The following RSRC1 variants were observed in gnomAD, a reference collection of about 807,000 sequenced individuals.
RSRC1 encodes the protein arginine and serine rich coiled-coil 1.
RSRC1 carries 39 observed loss-of-function variants against 49.1 expected under a neutral mutation model. The ratio of observed to expected loss-of-function variants is 0.79; its 90% CI spans 0.61 to 1.04. RSRC1 has a LOEUF of 1.04. Among genes scored for constraint, RSRC1 ranks in the 50% least tolerant of loss-of-function variants. The pLI is 0.00. For missense variants in RSRC1, 388 were observed against 402.4 expected, an observed-to-expected ratio of 0.96 and a Z score of 0.31; for synonymous variants, 143 against 130.8, an observed-to-expected ratio of 1.09 and a Z score of -0.63.
At chr3:158,294,707 A>G (rs1213431112) in intron 4 of RSRC1, among the ~76,000 whole-genome samples, 1 of 152,134 alleles carries the variant, frequency 6.6e-6, no homozygotes, top group Non-Finnish European at 1.5e-5. Context: ...CCTCAAAAAC[A>G]GTAAAAAAAA....
At chr3:158,412,439 G>A (rs1036458966) in intron 6 of RSRC1, among the ~76,000 whole-genome samples, 2 of 152,044 alleles carry the variant, frequency 1.3e-5, no homozygotes, top group Non-Finnish European at 2.9e-5. Flanking sequence ...CTCACTTCAA[G>A]TGTCACCTTC....
chr3:158,306,568 A>G (rs920286303), intron 5 of RSRC1, among the ~76,000 whole-genome samples: 1 of 151,944 alleles, frequency 6.6e-6, no homozygotes, highest in African/African-American at 2.4e-5. Flanking sequence ...CTTATGATAA[A>G]TTTATTATAA....
chr3:158,200,073 T>C (rs1720943343), intron 3 of RSRC1, among the ~76,000 whole-genome samples: 1 of 152,210 alleles, frequency 6.6e-6, no homozygotes, highest in East Asian at 1.9e-4. Flanking sequence ...AGTCTTGTTC[T>C]GTCACCCAGG....
intron 5 of RSRC1, among the ~76,000 whole-genome samples, chr3:158,318,586 G>C (rs1403520456): frequency 6.6e-6 from 1 of 152,048 alleles, no homozygotes; most frequent in Non-Finnish European, 1.5e-5. Flanking sequence ...TTAGTAGTTG[G>C]GGGGAAAAAG....
chr3:158,321,770 A>G (rs531008290), intron 5 of RSRC1, among the ~76,000 whole-genome samples: 19 of 152,064 alleles, frequency 1.2e-4, no homozygotes, highest in Non-Finnish European at 2.6e-4. Flanking sequence ...GAATTATACT[A>G]TGCATCTTTA....
intron 3 of RSRC1, among the ~76,000 whole-genome samples, chr3:158,141,971 G>A (rs899031560): frequency 1.3e-5 from 2 of 152,100 alleles, no homozygotes; most frequent in Non-Finnish European, 2.9e-5. Flanking sequence ...GGTGGTGCAC[G>A]CCTGTAGTCC....
intron 4 of RSRC1, among the ~76,000 whole-genome samples, chr3:158,205,212 G>C (rs373426180): frequency 6.6e-6 from 1 of 152,114 alleles, no homozygotes; most frequent in East Asian, 1.9e-4. Flanking sequence ...GTTTTAGTGG[G>C]CCGTAGTAGA....
intron 4 of RSRC1, among the ~76,000 whole-genome samples, chr3:158,269,044 G>A (rs1295837643): frequency 1.3e-5 from 2 of 152,152 alleles, no homozygotes; most frequent in Non-Finnish European, 2.9e-5. Context: ...TAAGTAGGCA[G>A]CAAATAAAGG....
At position 158,427,981 on chromosome 3, in the gene RSRC1, G is replaced by A. The variant is rs538530635; in HGVS notation, c.584-32954G>A. Among the ~76,000 whole-genome samples, 7 of 151,766 alleles carry A rather than the reference G, an allele frequency of 4.6e-5. No homozygotes were observed. The South Asian group carries it at 1.2e-3, about 27-fold the overall frequency. On this transcript the variant is annotated intron_variant, in intron 6 of 9. Coordinates refer to ENST00000611884, the MANE Select transcript of RSRC1 (RefSeq NM_001271838.2). Reference sequence around the variant, plus strand: ...TTTGAAACTGTTGTATCAAAGAGTAGCAACTATTTTTGGTTCTTGAGATAT... The same window carrying A: ...TTTGAAACTGTTGTATCAAAGAGTAACAACTATTTTTGGTTCTTGAGATAT...
chr3:158,497,877 GTTAA>G (rs764874170), intron 7 of RSRC1, among the ~76,000 whole-genome samples: 11 of 152,278 alleles, frequency 7.2e-5, no homozygotes, highest in Non-Finnish European at 1.3e-4. Context: ...TGCAAATGCT[GTTAA>G]TTAATTCCTT....
At chr3:158,443,721 A>G (rs1171325917) in intron 6 of RSRC1, among the ~76,000 whole-genome samples, 3 of 152,110 alleles carry the variant, frequency 2.0e-5, no homozygotes, top group South Asian at 2.1e-4. Context: ...GTGTTGCACT[A>G]TTTGGCACAA....
chr3:158,362,840 T>G (rs1476078632), intron 6 of RSRC1, among the ~76,000 whole-genome samples: 1 of 152,202 alleles, frequency 6.6e-6, no homozygotes, highest in Non-Finnish European at 1.5e-5. Flanking sequence ...AGAAGAGAGA[T>G]TTTTCCAAAA....
chr3:158,450,391 A>G (rs1027904316), intron 6 of RSRC1, among the ~76,000 whole-genome samples: 1 of 149,934 alleles, frequency 6.7e-6, no homozygotes. Context: ...AATAATTGCA[A>G]TTTCATATTT....
At chr3:158,531,016 G>A (rs1712370247) in intron 7 of RSRC1, among the ~76,000 whole-genome samples, 1 of 145,282 alleles carries the variant, frequency 6.9e-6, no homozygotes, top group Non-Finnish European at 1.5e-5. Flanking sequence ...TTTCTTCCAT[G>A]AAGTTTTATT....
At position 158,314,340 on chromosome 3, in the gene RSRC1, A is replaced by C. The variant is rs1315056222; in HGVS notation, c.531+16265A>C. On this transcript the variant is annotated intron_variant, in intron 5 of 9. Coordinates refer to ENST00000611884, the MANE Select transcript of RSRC1 (RefSeq NM_001271838.2). The stretch of plus-strand genomic sequence containing the variant: ...ACTCCTGACCTCAGGTGATCCACCC[A>C]CCTCGGCCTCCCAGAGTGCTGGGAT... 4.6e-5 allele frequency among the ~76,000 whole-genome samples: 7 copies of C among 151,040 alleles called. No individual in the cohort carries two copies. The South Asian group carries it at 6.3e-4, about 13-fold the overall frequency.
chr3:158,375,133 C>G (rs1343487103), intron 6 of RSRC1, among the ~76,000 whole-genome samples: 1 of 150,936 alleles, frequency 6.6e-6, no homozygotes, highest in Non-Finnish European at 1.5e-5. Flanking sequence ...AATCAAAGAC[C>G]TTGAAAAGTA....
At chr3:158,298,831 T>C (rs1265606444) in intron 5 of RSRC1, among the ~76,000 whole-genome samples, 1 of 152,206 alleles carries the variant, frequency 6.6e-6, no homozygotes, top group Admixed American at 6.5e-5. Context: ...AAATACAGTC[T>C]AAGTAGTTTT....
chr3:158,517,739 C>T (rs1740650675), intron 7 of RSRC1, among the ~76,000 whole-genome samples: 1 of 136,904 alleles, frequency 7.3e-6, no homozygotes, highest in South Asian at 2.4e-4. Context: ...TAGGTGTATA[C>T]CACAACACCC....
intron 5 of RSRC1, among the ~76,000 whole-genome samples, chr3:158,339,522 A>G (rs776753152): frequency 6.6e-6 from 1 of 152,224 alleles, no homozygotes; most frequent in East Asian, 1.9e-4. Context: ...TATTATTACC[A>G]TGTGTTGTAA....
Sources: allele counts gnomAD v4.1 joint callset (sites outside exome capture counted in the v4.1 genomes callset), GRCh38; gene constraint gnomAD v4.1.1; transcripts MANE v1.5; gene names NCBI Gene and HGNC (gene_info 2026-07-23, HGNC 2026-07-21).